EIF4EBP2: variants seen among roughly 807,000 people sequenced by gnomAD.
EIF4EBP2 encodes eukaryotic translation initiation factor 4E-binding protein 2.
In EIF4EBP2, 5 loss-of-function variants were observed where a neutral mutation model predicts 10.3. The observed-to-expected ratio is 0.48, with a 90% confidence interval of 0.25 to 1.02. The LOEUF (loss-of-function observed/expected upper bound fraction) is 1.02, where lower values mean the gene tolerates loss of function less well. EIF4EBP2 is among the 50% of genes least tolerant of loss of function. The pLI is 0.15. For missense variants in EIF4EBP2, 188 were observed against 162.2 expected, an observed-to-expected ratio of 1.16 and a Z score of -0.86; for synonymous variants, 67 against 61.1, an observed-to-expected ratio of 1.10 and a Z score of -0.45.
intron 1 of EIF4EBP2, among the ~76,000 whole-genome samples, chr10:70,416,839 A>G (rs1845101462): frequency 6.7e-6 from 1 of 149,934 alleles, no homozygotes; most frequent in African/African-American, 2.5e-5. Flanking sequence ...TAATTTTTGT[A>G]TTTTTTTTTA....
chr10:70,415,598 A>C (rs1845086393), intron 1 of EIF4EBP2, among the ~76,000 whole-genome samples: 1 of 152,254 alleles, frequency 6.6e-6, no homozygotes, highest in Non-Finnish European at 1.5e-5. Context: ...ATGGAATAAA[A>C]TTGAGAGTCC....
chr10:70,421,758 A>G lies in EIF4EBP2; in HGVS notation c.*11A>G, dbSNP rs1460742931. 3 of 1,612,478 alleles carry G rather than the reference A, an allele frequency of 1.9e-6. No homozygotes were observed. The highest frequency in any genetic ancestry group is 2.5e-6 in the Non-Finnish European group (3 of 1,179,606). On this transcript the variant is annotated 3_prime_UTR_variant, in exon 3 of 3. Coordinates refer to ENST00000373218, the MANE Select transcript of EIF4EBP2 (RefSeq NM_004096.5). ...GAGATGGACATCTGACTCTCCTGCA[A>G]GGATTAGAAGAAAAGCAGCAACACT...
intron 2 of EIF4EBP2, 79 bp downstream of exon 2, chr10:70,420,178 A>G: frequency 7.2e-7 from 1 of 1,396,870 alleles, no homozygotes; most frequent in Non-Finnish European, 9.6e-7. Context: ...TTGAGAAGCT[A>G]TTGATTCTTC....
intron 1 of EIF4EBP2, among the ~76,000 whole-genome samples, chr10:70,409,725 G>A (rs1041440686): frequency 2.6e-5 from 4 of 152,166 alleles, no homozygotes; most frequent in African/African-American, 7.2e-5. Context: ...TAGAAGAGTT[G>A]TTTTGCTCTG....
rs1463578830 is a variant in EIF4EBP2, at chr10:70,425,654, G to C, written c.*3907G>C. On this transcript the variant is annotated 3_prime_UTR_variant, in exon 3 of 3. Transcript: ENST00000373218. ...GCCTGACTACCAACAGCTCAAGTAT[G>C]CTTATTTGCACATCCTAGACTTGGT... The C allele has an allele frequency of 6.6e-6, 1 of 152,144 alleles. No homozygotes were observed. The highest frequency in any genetic ancestry group is 2.4e-5 in the African/African-American group (1 of 41,428). 9.4% of individuals were successfully genotyped at this position (152,144 alleles called of 1,614,324 possible). A position where few individuals can be genotyped will look rare whatever the true frequency, so the allele number is the denominator to read the frequency against.
At chr10:70,415,178 G>T (rs533973223) in intron 1 of EIF4EBP2, among the ~76,000 whole-genome samples, 6 of 147,726 alleles carry the variant, frequency 4.1e-5, no homozygotes, top group African/African-American at 1.5e-4. Flanking sequence ...AAAAAGAAAA[G>T]AAAAAGAAAG....
intron 1 of EIF4EBP2, among the ~76,000 whole-genome samples, chr10:70,409,689 T>A (rs1845021953): frequency 6.6e-6 from 1 of 152,220 alleles, no homozygotes. Flanking sequence ...CCTTATTTCC[T>A]TTCTAGGTGC....
chr10:70,417,641 A>T (rs1376320582), intron 1 of EIF4EBP2, among the ~76,000 whole-genome samples: 1 of 152,196 alleles, frequency 6.6e-6, no homozygotes, highest in African/African-American at 2.4e-5. Flanking sequence ...TCTTTAATGT[A>T]TGCGTTGTTG....
At chr10:70,412,185 C>G (rs1039053304) in intron 1 of EIF4EBP2, among the ~76,000 whole-genome samples, 5 of 152,042 alleles carry the variant, frequency 3.3e-5, no homozygotes, top group Non-Finnish European at 7.4e-5. Context: ...GGAGAAAGTC[C>G]CAGGAGGAAA....
intron 1 of EIF4EBP2, among the ~76,000 whole-genome samples, chr10:70,409,224 A>AAG (rs1294650787): frequency 6.6e-6 from 1 of 152,200 alleles, no homozygotes; most frequent in Non-Finnish European, 1.5e-5. Flanking sequence ...ATATTGCTGG[A>AAG]AGAGTACCCT....
rs932874071 is a variant in EIF4EBP2, at chr10:70,407,740, C to CA, written c.145+3195dup. ...CCGGGCGGGGGGCTGACCCCCCCCC[C>CA]ACCTCCCTCCCAGACGGGGCGGCTG... On this transcript the variant is annotated intron_variant, in intron 1 of 2. Coordinates refer to ENST00000373218, the MANE Select transcript of EIF4EBP2 (RefSeq NM_004096.5). Among the ~76,000 whole-genome samples, 8 of 134,338 alleles carry CA rather than the reference C, an allele frequency of 6.0e-5. 1 individual carries two copies. The South Asian group carries it at 9.5e-4, about 16-fold the overall frequency. 88.1% of individuals were successfully genotyped at this position (134,338 alleles called of 152,430 possible). A position where few individuals can be genotyped will look rare whatever the true frequency, so the allele number is the denominator to read the frequency against.
intron 1 of EIF4EBP2, among the ~76,000 whole-genome samples, chr10:70,416,386 C>T (rs1268001993): frequency 6.6e-6 from 1 of 152,026 alleles, no homozygotes; most frequent in East Asian, 1.9e-4. Flanking sequence ...CGAGACCATC[C>T]TAGCCGACAT....
chr10:70,416,216 T>C, intron 1 of EIF4EBP2, among the ~76,000 whole-genome samples: 1 of 152,164 alleles, frequency 6.6e-6, no homozygotes, highest in East Asian at 1.9e-4. Context: ...TAATGTTGGC[T>C]ACAATATATA....
In EIF4EBP2 at chr10:70,424,137, G is replaced by T. The variant is rs543259120; in HGVS notation, c.*2390G>T. Reference sequence around the variant, plus strand: ...TCTTTATTGCTATGTGTGAAAACTTGGCTTCCTCACTGAACGGTGAGGAAT... The same window carrying T: ...TCTTTATTGCTATGTGTGAAAACTTTGCTTCCTCACTGAACGGTGAGGAAT... On this transcript the variant is annotated 3_prime_UTR_variant, in exon 3 of 3. Transcript: ENST00000373218. 8 of 152,224 alleles carry T rather than the reference G, an allele frequency of 5.3e-5. No homozygotes were observed. Among genetic ancestry groups the T allele is most frequent in the African/African-American group, 1.9e-4 (8 of 41,526 alleles). 9.4% of individuals were successfully genotyped at this position (152,224 alleles called of 1,614,324 possible).
intron 1 of EIF4EBP2, among the ~76,000 whole-genome samples, chr10:70,417,297 T>C (rs7906800): frequency 0.74 from 112,774 of 151,870 alleles, 42,181 homozygotes; most frequent in East Asian, 0.96. Context: ...TAGGTAAAAC[T>C]ATATAGAGAC....
Position 70,404,564 on chromosome 10 carries a change from GTCCGCC to G in EIF4EBP2, c.145+19_145+24del. The G allele has an allele frequency of 6.6e-7, 1 of 1,524,392 alleles. No homozygotes were observed. The highest frequency in any genetic ancestry group is 8.8e-7 in the Non-Finnish European group (1 of 1,140,310). 94.4% of individuals were successfully genotyped at this position (1,524,392 alleles called of 1,614,324 possible). On this transcript the variant is annotated intron_variant, in intron 1 of 2. Transcript: ENST00000373218. ...ACCGGGAGGTGAGCGCCGGCCAGCC[GTCCGCC>G]GCGCCCGGTGTCCCGCCGCGGTCCT...
In EIF4EBP2 at chr10:70,425,714, G is replaced by A. The variant is rs1468374615; in HGVS notation, c.*3967G>A. The A allele has an allele frequency of 1.3e-5, 2 of 152,204 alleles. No individual in the cohort carries two copies. Among genetic ancestry groups the A allele is most frequent in the African/African-American group, 4.8e-5 (2 of 41,452 alleles). 9.4% of individuals were successfully genotyped at this position (152,204 alleles called of 1,614,324 possible). ...ACTCAGTTACCACTTTTATTTTCCT[G>A]TAGCTAGGAGTTAGCAAAAGGAACT... On this transcript the variant is annotated 3_prime_UTR_variant, in exon 3 of 3. Transcript: ENST00000373218.
At chr10:70,420,200 T>C in intron 2 of EIF4EBP2, 101 bp downstream of exon 2, 1 of 1,256,356 alleles carries the variant, frequency 8.0e-7, no homozygotes, top group Non-Finnish European at 1.1e-6. Context: ...GTTTTGTTTT[T>C]TGTTTTTTGT....
chr10:70,412,708 T>C (rs973465733), intron 1 of EIF4EBP2, among the ~76,000 whole-genome samples: 3 of 152,112 alleles, frequency 2.0e-5, no homozygotes, highest in Non-Finnish European at 4.4e-5. Flanking sequence ...ATAGGGTTTT[T>C]CCCCCCTCTC....
Sources: allele counts gnomAD v4.1 joint callset (sites outside exome capture counted in the v4.1 genomes callset), GRCh38; gene constraint gnomAD v4.1.1; transcripts MANE v1.5; gene names NCBI Gene and HGNC (gene_info 2026-07-23, HGNC 2026-07-21).